The following RSRP1 variants were observed in gnomAD, a reference collection of about 807,000 sequenced individuals.
RSRP1 encodes the protein arginine/serine-rich protein 1.
In RSRP1, 37 loss-of-function variants were observed where a neutral mutation model predicts 33.0. The ratio of observed to expected loss-of-function variants is 1.12; its 90% CI spans 0.86 to 1.48. The LOEUF (loss-of-function observed/expected upper bound fraction) is 1.48, where lower values mean the gene tolerates loss of function less well. Among genes scored for constraint, RSRP1 ranks in the 40% most tolerant of loss-of-function variants. The pLI, the probability that RSRP1 is intolerant of heterozygous loss-of-function variation, is 0.00. For synonymous variants in RSRP1, 167 were observed against 158.7 expected, an observed-to-expected ratio of 1.05 and a Z score of -0.40; for missense variants, 402 against 385.3, an observed-to-expected ratio of 1.04 and a Z score of -0.36.
At chr1:25,296,243 CTT>C (rs894411494) in intron 1 of RSRP1, among the ~76,000 whole-genome samples, 4 of 115,392 alleles carry the variant, frequency 3.5e-5, no homozygotes, top group African/African-American at 5.8e-5. Flanking sequence ...GTGTACATTT[CTT>C]TTTTTTTTTT....
rs1641497713 is a variant in RSRP1, at chr1:25,281,652, C to T, written c.-66-34623G>A. Among the ~76,000 whole-genome samples, 3 of 131,022 alleles carry T rather than the reference C, an allele frequency of 2.3e-5. 1 individual carries two copies. Among genetic ancestry groups the T allele is most frequent in the Admixed American group, 7.4e-5 (1 of 13,452 alleles). 86.0% of individuals were successfully genotyped at this position (131,022 alleles called of 152,430 possible). ...CCCTGTAGAAAATGTCCCCTGGCCA[C>T]ACACCCCCATTCCTAAGGATGCAAG... On this transcript the variant is annotated intron_variant, in intron 1 of 1. Transcript: ENST00000561867.
chr1:25,269,394 G>A lies in RSRP1; in HGVS notation c.-66-22365C>T, dbSNP rs1271455140. Among the ~76,000 whole-genome samples, 6 of 132,744 alleles carry A rather than the reference G, an allele frequency of 4.5e-5. 2 individuals are homozygous for A. Among genetic ancestry groups the A allele is most frequent in the Non-Finnish European group, 1.1e-4 (6 of 56,014 alleles). 87.1% of individuals were successfully genotyped at this position (132,744 alleles called of 152,430 possible). On this transcript the variant is annotated intron_variant, in intron 1 of 1. Transcript: ENST00000561867. ...AAAGCGTTAAGTCAAACCATCGTAC[G>A]TCGGAGGCCATCTGTATCTGGTAGG...
intron 1 of RSRP1, among the ~76,000 whole-genome samples, chr1:25,264,134 G>C (rs1002899471): frequency 2.0e-5 from 3 of 151,902 alleles, no homozygotes; most frequent in South Asian, 2.1e-4. Flanking sequence ...AGCTTTTCCA[G>C]GTACACGGTG....
chr1:25,299,922 G>T (rs1643254339), intron 1 of RSRP1, among the ~76,000 whole-genome samples: 1 of 130,426 alleles, frequency 7.7e-6, no homozygotes, highest in South Asian at 2.3e-4. Context: ...GCTAATTTTT[G>T]TATTTTTAGT....
intron 1 of RSRP1, among the ~76,000 whole-genome samples, chr1:25,299,028 G>A (rs1459871675): frequency 8.5e-6 from 1 of 117,324 alleles, no homozygotes; most frequent in Non-Finnish European, 2.0e-5. Flanking sequence ...TGCTGGGAGG[G>A]CTGTTTACCA....
chr1:25,245,188 G>T lies in RSRP1; in HGVS notation c.634C>A (p.Arg212Ser), dbSNP rs369386279. 2 of 1,613,990 alleles carry T rather than the reference G, an allele frequency of 1.2e-6. No homozygotes were observed. Among genetic ancestry groups the T allele is most frequent in the Non-Finnish European group, 1.7e-6 (2 of 1,179,998 alleles). ...CCATTACTTGATACACCTATTCCAC[G>T]GCTTGTTTCTTTGGCTGAAGGAACA... is the stretch of plus-strand genomic sequence containing the variant. Reference protein sequence around the residue: ...RTVPSAKETSRGIGVSSNGAK... With the variant: ...RTVPSAKETSSGIGVSSNGAK... The change falls in exon 3 of 5, where the codon CGT (arginine) becomes AGT (serine). Residue 212 changes from arginine (R) to serine (S), a missense_variant. Physicochemically the swap from Arg to Ser is moderately radical, Grantham distance 110. Transcript: ENST00000243189.
intron 1 of RSRP1, among the ~76,000 whole-genome samples, chr1:25,300,310 A>G (rs577396471): frequency 5.4e-5 from 7 of 130,062 alleles, no homozygotes; most frequent in Admixed American, 2.2e-4. Context: ...CCAGGAGTTC[A>G]AGACCAGCCT....
intron 1 of RSRP1, among the ~76,000 whole-genome samples, chr1:25,263,469 A>C (rs1640223294): frequency 6.6e-6 from 1 of 151,916 alleles, no homozygotes; most frequent in Admixed American, 6.6e-5. Context: ...AGGCAAAGAC[A>C]AAGACAGCTT....
Position 25,268,728 on chromosome 1 carries a change from A to C in RSRP1, c.-66-21699T>G, listed in dbSNP as rs1407095735. Among the ~76,000 whole-genome samples the C allele has an allele frequency of 1.5e-5, 2 of 129,446 alleles. 1 individual carries two copies. Among genetic ancestry groups the C allele is most frequent in the African/African-American group, 5.3e-5 (2 of 37,988 alleles). 84.9% of individuals were successfully genotyped at this position (129,446 alleles called of 152,430 possible). A position where few individuals can be genotyped will look rare whatever the true frequency, so the allele number is the denominator to read the frequency against. ...TTTGGGAGGTTGAGGTGGGTGGATCACTTGAGGTCAGGAGTTCAAGACCAG... is the reference window on the plus strand; with the variant it reads ...TTTGGGAGGTTGAGGTGGGTGGATCCCTTGAGGTCAGGAGTTCAAGACCAG... On this transcript the variant is annotated intron_variant, in intron 1 of 1. Coordinates refer to the RSRP1 transcript ENST00000561867.
At chr1:25,321,588 T>G (rs1319193631) in intron 1 of RSRP1, among the ~76,000 whole-genome samples, 3 of 125,504 alleles carry the variant, frequency 2.4e-5, no homozygotes, top group African/African-American at 8.1e-5. Context: ...GATAATCGCT[T>G]GAACCTGGGA....
At chr1:25,296,028 T>A (rs1642928233) in intron 1 of RSRP1, among the ~76,000 whole-genome samples, 1 of 115,984 alleles carries the variant, frequency 8.6e-6, no homozygotes. Context: ...ACGCCTGGCT[T>A]ACTTTTGTAT....
chr1:25,283,767 C>T (rs117595128), intron 1 of RSRP1, among the ~76,000 whole-genome samples: 6,001 of 132,706 alleles, frequency 0.045, 24 homozygotes, highest in Admixed American at 0.16. Context: ...AGATCAAGAT[C>T]ACACAGTTAG....
At chr1:25,244,064 T>TC (rs1341432145) in intron 3 of RSRP1, 1 of 1,208,030 alleles carries the variant, frequency 8.3e-7, no homozygotes, top group African/African-American at 1.6e-5. Context: ...ACAGCATTTT[T>TC]TTTTTTTAAG....
At chr1:25,252,750 G>A (rs537234069) in intron 1 of RSRP1, among the ~76,000 whole-genome samples, 1 of 152,174 alleles carries the variant, frequency 6.6e-6, no homozygotes, top group East Asian at 1.9e-4. Context: ...GGCCAGGCTG[G>A]TCTCGAACCT....
rs191187109 is a variant in RSRP1 at position 25,259,345 on chromosome 1, G to A, written c.-66-12316C>T. Reference sequence around the variant, plus strand: ...TGACCTCAAGTGATCTGCCTGCCTCGGCCTCCCAAAGTGCTGGGACCATAG... The same window carrying A: ...TGACCTCAAGTGATCTGCCTGCCTCAGCCTCCCAAAGTGCTGGGACCATAG... On this transcript the variant is annotated intron_variant, in intron 1 of 1. Transcript: ENST00000561867. Among the ~76,000 whole-genome samples, 395 of 152,070 alleles carry A rather than the reference G, an allele frequency of 2.6e-3. 2 individuals are homozygous for A. The highest frequency in any genetic ancestry group is 9.0e-3 in the African/African-American group (372 of 41,456).
intron 1 of RSRP1, among the ~76,000 whole-genome samples, chr1:25,277,494 T>C (rs1641113560): frequency 7.5e-6 from 1 of 133,388 alleles, no homozygotes; most frequent in African/African-American, 2.6e-5. Context: ...TGCATGAAAG[T>C]TCGAGAATTC....
rs200717245 is a variant in RSRP1 at position 25,320,056 on chromosome 1, A to G, written c.-67+17922T>C. ...TGGGATTACAGGCATGCACCACCACACCCGGCTAATTTTGTATTTTTAGTA... is the reference window on the plus strand; with the variant it reads ...TGGGATTACAGGCATGCACCACCACGCCCGGCTAATTTTGTATTTTTAGTA... On this transcript the variant is annotated intron_variant, in intron 1 of 1. Coordinates refer to the RSRP1 transcript ENST00000561867. 2.1e-4 allele frequency among the ~76,000 whole-genome samples: 28 copies of G among 130,716 alleles called. 4 individuals carry two copies. The highest frequency in any genetic ancestry group is 7.1e-4 in the South Asian group (3 of 4,236). 85.8% of individuals were successfully genotyped at this position (130,716 alleles called of 152,430 possible).
intron 1 of RSRP1, among the ~76,000 whole-genome samples, chr1:25,273,905 A>G (rs1640713179): frequency 7.7e-6 from 1 of 129,860 alleles, no homozygotes. Context: ...AGTGACAAGT[A>G]GGACTTAGGG....
chr1:25,270,062 A>C (rs1342810968), intron 1 of RSRP1, among the ~76,000 whole-genome samples: 1 of 132,002 alleles, frequency 7.6e-6, no homozygotes, highest in South Asian at 2.3e-4. Flanking sequence ...AGGTTAGCAG[A>C]GGTCACATCC....
Sources: allele counts gnomAD v4.1 joint callset (sites outside exome capture counted in the v4.1 genomes callset), GRCh38; gene constraint gnomAD v4.1.1; transcripts MANE v1.5; gene names NCBI Gene and HGNC (gene_info 2026-07-23, HGNC 2026-07-21).